MUC5B: variants seen among roughly 807,000 people sequenced by gnomAD.
MUC5B encodes the protein mucin-5B.
MUC5B carries 116 observed loss-of-function variants against 376.9 expected under a neutral mutation model. The observed-to-expected ratio is 0.31, with a 90% CI of 0.26 to 0.36. The LOEUF (loss-of-function observed/expected upper bound fraction) is 0.36. Ranked by LOEUF, MUC5B falls within the 10% of genes least tolerant of loss-of-function variation. MUC5B has a pLI of 1.00. For missense variants in MUC5B, 7,165 were observed against 7,769.9 expected, an observed-to-expected ratio of 0.92 and a Z score of 2.93; for synonymous variants, 3,517 against 3,390.9, an observed-to-expected ratio of 1.04 and a Z score of -1.29.
intron 48 of MUC5B, 45 bp downstream of exon 48, chr11:1,260,773 G>T: frequency 1.4e-6 from 2 of 1,445,562 alleles, no homozygotes; most frequent in Non-Finnish European, 9.6e-7. Context: ...TGCGTGTGGT[G>T]GGTCCGCCCT....
chr11:1,249,855 C>G lies in MUC5B; in HGVS notation c.12975C>G (p.Pro4325=). Reference sequence around the variant, plus strand: ...AATCCACAGCTACCAGCGTTACACCCATCCCCTCCTCCACCCTTGGGACCA... The same window carrying G: ...AATCCACAGCTACCAGCGTTACACCGATCCCCTCCTCCACCCTTGGGACCA... ...ATKSTATSVT[P]IPSSTLGTTG... is the part of the protein sequence containing the mutation. Residue 4325 remains proline (P), a synonymous_variant, in exon 31 of 49, where the codon CCC becomes CCG. Transcript: ENST00000529681. 1.2e-6 allele frequency: 2 copies of G among 1,613,728 alleles called. No homozygotes were observed. The highest frequency in any genetic ancestry group is 1.7e-6 in the Non-Finnish European group (2 of 1,179,822).
rs1861920085 is a variant in MUC5B at position 1,227,710 on chromosome 11, C to A, written c.703C>A (p.Gln235Lys). 2 of 724,178 alleles carry A rather than the reference C, an allele frequency of 2.8e-6. No individual in the cohort carries two copies. The highest frequency in any genetic ancestry group is 3.9e-5 in the Admixed American group (2 of 50,882). The allele number at this position is 724,178 out of a possible 1,614,324, so 44.9% of individuals were successfully genotyped here. A position where few individuals can be genotyped will look rare whatever the true frequency, so the allele number is the denominator to read the frequency against. Residue 235 changes from glutamine (Q) to lysine (K), a missense_variant, in exon 7 of 49, where the codon CAG (glutamine) becomes AAG (lysine). Coordinates refer to ENST00000529681, the MANE Select transcript of MUC5B (RefSeq NM_002458.3). The part of the protein sequence containing the change: ...RLTPLQFGNL[Q>K]KLDGPTEQCP... ...GACCCCGCTCCAGTTTGGGAACCTG[C>A]AGAAGTTGGATGGGCCCACGGAGCA...
intron 35 of MUC5B, 35 bp downstream of exon 35, chr11:1,254,915 T>A: frequency 6.4e-7 from 1 of 1,553,884 alleles, no homozygotes; most frequent in Non-Finnish European, 8.7e-7. Flanking sequence ...CGGCCAGGGC[T>A]GCTGCTGGGC....
At chr11:1,230,801 C>A in intron 12 of MUC5B, 135 bp from the exon 13 acceptor site, 1 of 1,114,572 alleles carries the variant, frequency 9.0e-7, no homozygotes, top group Non-Finnish European at 1.3e-6. Flanking sequence ...ATTGCAGAGC[C>A]CACCGCAGGT....
intron 25 of MUC5B, among the ~76,000 whole-genome samples, chr11:1,237,458 C>T (rs1428451184): frequency 6.6e-6 from 1 of 152,210 alleles, no homozygotes; most frequent in Admixed American, 6.5e-5. Context: ...TGGCCCCTAG[C>T]CACCCTCCTC....
At position 1,228,833 on chromosome 11, in the gene MUC5B, G is replaced by GA. The variant is rs1861953457; in HGVS notation, c.976+68_976+69insA. 4 of 373,682 alleles carry GA rather than the reference G, an allele frequency of 1.1e-5. No individual in the cohort carries two copies. The African/African-American group carries it at 1.1e-4, about 10-fold the overall frequency. The allele number at this position is 373,682 out of a possible 1,614,324, so 23.1% of individuals were successfully genotyped here. A position where few individuals can be genotyped will look rare whatever the true frequency, so the allele number is the denominator to read the frequency against. On this transcript the variant is annotated intron_variant, in intron 8 of 48. Coordinates refer to ENST00000529681, the MANE Select transcript of MUC5B (RefSeq NM_002458.3). ...AAGGGGCAGGGGGAGCGCCTTGGGG[G>GA]CCACTGGGGGTGGGGAGGCCTGGGG...
At position 1,250,117 on chromosome 11, in the gene MUC5B, T is replaced by C; in HGVS notation, c.13237T>C (p.Ser4413Pro). ...CACTGGCCCCACGGCCACCCCGTCC[T>C]CCACCCCAGGGACCACCTGGATCCT... ...AATGPTATPSSTPGTTWILTE... is the reference protein window; with the variant it reads ...AATGPTATPSPTPGTTWILTE... Residue 4413 changes from serine to proline, a missense_variant, in exon 31 of 49, where the codon TCC (serine) becomes CCC (proline). Coordinates refer to ENST00000529681, the MANE Select transcript of MUC5B (RefSeq NM_002458.3). 6.3e-7 allele frequency: 1 copy of C among 1,593,484 alleles called. No homozygotes were observed. Among genetic ancestry groups the C allele is most frequent in the Non-Finnish European group, 8.6e-7 (1 of 1,168,698 alleles).
intron 25 of MUC5B, among the ~76,000 whole-genome samples, chr11:1,237,936 T>C (rs1177940775): frequency 6.6e-6 from 1 of 152,186 alleles, no homozygotes; most frequent in Non-Finnish European, 1.5e-5. Context: ...AGTGCCCACT[T>C]AGGCACACAG....
intron 36 of MUC5B, 37 bp downstream of exon 36, chr11:1,255,303 GC>G: frequency 1.3e-6 from 2 of 1,505,802 alleles, no homozygotes; most frequent in African/African-American, 1.4e-5. Context: ...GCCCTGGGGC[GC>G]CCCCGCCCGC....
chr11:1,257,144 A>T lies in MUC5B; in HGVS notation c.16238-96A>T. On this transcript the variant is annotated intron_variant, in intron 39 of 48. Coordinates refer to ENST00000529681, the MANE Select transcript of MUC5B (RefSeq NM_002458.3). This position sits in a 1 kb window ranked among gnomAD's most constrained non-coding sequence, Gnocchi z 8.9. ...CTCCAGGGCCTTCCATCCCGGGGGG[A>T]AGCAGGCTCCAGGCCTGAGAGCACC... 3.9e-6 allele frequency: 3 copies of T among 764,518 alleles called. No individual in the cohort carries two copies. The South Asian group carries it at 4.1e-5, about 10-fold the overall frequency. 47.4% of individuals were successfully genotyped at this position (764,518 alleles called of 1,614,324 possible).
rs1480369078 is a variant in MUC5B at position 1,235,241 on chromosome 11, C to T, written c.2769+18C>T. On this transcript the variant is annotated intron_variant, in intron 22 of 48. Coordinates refer to ENST00000529681, the MANE Select transcript of MUC5B (RefSeq NM_002458.3). The stretch of plus-strand genomic sequence containing the variant: ...TGGCCCAGGTACGCCGCCCCCTCGC[C>T]CACTCCTGCAGGCCGGGCACACTCC... 1.2e-6 allele frequency: 2 copies of T among 1,611,950 alleles called. No homozygotes were observed. The highest frequency in any genetic ancestry group is 1.7e-6 in the Non-Finnish European group (2 of 1,178,896).
In MUC5B at chr11:1,261,714, G is replaced by A; in HGVS notation, c.*106G>A. On this transcript the variant is annotated 3_prime_UTR_variant, in exon 49 of 49. Coordinates refer to ENST00000529681, the MANE Select transcript of MUC5B (RefSeq NM_002458.3). ...CTCTGCGGAGCCCCCCGGCCTGTGT[G>A]TGGCACCCCGCGCTCCGTGCTCCTG... The A allele has an allele frequency of 1.7e-6, 2 of 1,153,104 alleles. No homozygotes were observed. Among genetic ancestry groups the A allele is most frequent in the Non-Finnish European group, 2.5e-6 (2 of 796,486 alleles). 71.4% of individuals were successfully genotyped at this position (1,153,104 alleles called of 1,614,324 possible).
intron 1 of MUC5B, among the ~76,000 whole-genome samples, chr11:1,225,046 C>T (rs552824520): frequency 1.3e-5 from 2 of 152,272 alleles, no homozygotes; most frequent in African/African-American, 4.8e-5. Context: ...AGGCCTTGCC[C>T]GGAGGCGGTG....
Position 1,229,410 on chromosome 11 carries a change from G to A in MUC5B, c.1102+115G>A, listed in dbSNP as rs1178927017. On this transcript the variant is annotated intron_variant, in intron 9 of 48. Coordinates refer to ENST00000529681, the MANE Select transcript of MUC5B (RefSeq NM_002458.3). ...CCCCTCATGCCAGAAGGTCCCACCA[G>A]AGGGCCCAGGGTGGGAAGGGCACTG... is the stretch of plus-strand genomic sequence containing the variant. 7.1e-6 allele frequency: 9 copies of A among 1,270,932 alleles called. No individual in the cohort carries two copies. In the African/African-American group the frequency reaches 1.2e-4, roughly 17 times the overall value. The allele number at this position is 1,270,932 out of a possible 1,614,324, so 78.7% of individuals were successfully genotyped here.
Position 1,250,489 on chromosome 11 carries a change from C to G in MUC5B, c.13609C>G (p.Leu4537Val), listed in dbSNP as rs1173370789. The change falls in exon 31 of 49, where the codon CTA becomes GTA. Residue 4537 changes from leucine (L) to valine (V), a missense_variant. By Grantham distance (32) the Leu-to-Val change is conservative. Around this residue, in one of 31 missense-constraint regions of MUC5B, gnomAD observed 431 missense variants for 390.4 expected, o/e 1.10. Transcript: ENST00000529681. Reference sequence around the variant, plus strand: ...CTCCCTGGGCACCACCTGGACCCGCCTATCACAGACCACCACACCCACGGC... The same window carrying G: ...CTCCCTGGGCACCACCTGGACCCGCGTATCACAGACCACCACACCCACGGC... ...SSSLGTTWTR[L>V]SQTTTPTATM... 1 of 1,600,186 alleles carries G rather than the reference C, an allele frequency of 6.2e-7. No homozygotes were observed. Among genetic ancestry groups the G allele is most frequent in the South Asian group, 1.1e-5 (1 of 90,796 alleles).
chr11:1,262,152 A>G lies in MUC5B; in HGVS notation c.*544A>G. ...TGCTCAACCCAGCCCAGTTTTGCAA[A>G]TAAACCCTGAGCATTGAGTACGTTT... On this transcript the variant is annotated 3_prime_UTR_variant, in exon 49 of 49. Coordinates refer to ENST00000529681, the MANE Select transcript of MUC5B (RefSeq NM_002458.3). 2.0e-6 allele frequency: 1 copy of G among 488,104 alleles called. No individual in the cohort carries two copies. The highest frequency in any genetic ancestry group is 4.3e-6 in the Non-Finnish European group (1 of 233,090). 30.2% of individuals were successfully genotyped at this position (488,104 alleles called of 1,614,324 possible).
At chr11:1,231,673 GC>G in intron 14 of MUC5B, 113 bp downstream of exon 14, 7 of 1,306,038 alleles carry the variant, frequency 5.4e-6, no homozygotes, top group Non-Finnish European at 5.1e-6. Flanking sequence ...GGAGGGGGCT[GC>G]CCCCAGGGCA....
Position 1,249,417 on chromosome 11 carries a change from G to C in MUC5B, c.12537G>C (p.Gln4179His), listed in dbSNP as rs185838223. ...PLGLECRAQA[Q>H]PGVPLGELGQ... is the part of the protein sequence containing the mutation. ...GCCTCGAGTGCCGTGCCCAGGCCCA[G>C]CCTGGTGTCCCCCTGGGGGAGTTGG... The change falls in exon 31 of 49, where the codon CAG (glutamine) becomes CAC (histidine). Residue 4179 changes from glutamine (Q) to histidine (H), a missense_variant. Around this residue, in one of 31 missense-constraint regions of MUC5B, gnomAD observed 34 missense variants for 25.7 expected, o/e 1.32. Coordinates refer to ENST00000529681, the MANE Select transcript of MUC5B (RefSeq NM_002458.3). 91,828 of 1,611,248 alleles carry C rather than the reference G, an allele frequency of 0.057. 3,306 individuals are homozygous for C. The highest frequency in any genetic ancestry group is 0.14 in the Admixed American group (8,199 of 59,986).
At chr11:1,256,373 C>T in intron 38 of MUC5B, 148 bp downstream of exon 38, 1 of 615,272 alleles carries the variant, frequency 1.6e-6, no homozygotes, top group Non-Finnish European at 2.9e-6. Flanking sequence ...ACATCCCCTG[C>T]TGCTCCCAGA....
Sources: allele counts gnomAD v4.1 joint callset (sites outside exome capture counted in the v4.1 genomes callset), GRCh38; gene constraint gnomAD v4.1.1; regional missense constraint gnomAD v4.1.1; non-coding constraint Gnocchi (gnomAD v3.1); transcripts MANE v1.5; gene names NCBI Gene and HGNC (gene_info 2026-07-23, HGNC 2026-07-21).